HDAC4: variants seen among roughly 807,000 people sequenced by gnomAD.
HDAC4 encodes histone deacetylase A.
In HDAC4, 16 loss-of-function variants were observed where a neutral mutation model predicts 135.1. The ratio of observed to expected loss-of-function variants is 0.12; its 90% confidence interval spans 0.08 to 0.18. The LOEUF (loss-of-function observed/expected upper bound fraction) is 0.18, where lower values mean the gene tolerates loss of function less well. Ranked by LOEUF, HDAC4 falls within the 10% of genes least tolerant of loss-of-function variation. The probability of loss-of-function intolerance (pLI) is 1.00; values close to 1 mark genes in which losing one functional copy is unlikely to be tolerated. For missense variants in HDAC4, 1,143 were observed against 1,511.8 expected, an observed-to-expected ratio of 0.76 and a Z score of 4.05; for synonymous variants, 685 against 653.4, an observed-to-expected ratio of 1.05 and a Z score of -0.74.
chr2:239,053,409 G>A (rs1206979871), intron 26 of HDAC4, 51 bp downstream of exon 26: 4 of 1,598,084 alleles, frequency 2.5e-6, no homozygotes, highest in Non-Finnish European at 2.6e-6. Flanking sequence ...GTGTCAGTGG[G>A]CACAGTGGGG....
At chr2:239,128,125 T>C (rs1403797254) in intron 11 of HDAC4, among the ~76,000 whole-genome samples, 1 of 152,126 alleles carries the variant, frequency 6.6e-6, no homozygotes, top group East Asian at 1.9e-4. Context: ...CCCACAACTT[T>C]CCGGAAAGAC....
intron 12 of HDAC4, among the ~76,000 whole-genome samples, chr2:239,118,013 G>C (rs912593383): frequency 2.6e-5 from 4 of 152,264 alleles, no homozygotes; most frequent in South Asian, 2.1e-4. Flanking sequence ...ACGGGGCACG[G>C]GTTGGTGGGC....
At chr2:239,104,725 C>T (rs955986669) in intron 15 of HDAC4, among the ~76,000 whole-genome samples, 6 of 152,338 alleles carry the variant, frequency 3.9e-5, no homozygotes, top group Admixed American at 2.6e-4. Flanking sequence ...GGTGAAAGAA[C>T]GGCAGGGTAG....
At position 239,052,411 on chromosome 2, in the gene HDAC4, A is replaced by G. The variant is rs1381778864; in HGVS notation, c.*686T>C. The G allele has an allele frequency of 6.6e-6, 1 of 152,436 alleles. No homozygotes were observed. Among genetic ancestry groups the G allele is most frequent in the Admixed American group, 6.5e-5 (1 of 15,278 alleles). 9.4% of individuals were successfully genotyped at this position (152,436 alleles called of 1,614,324 possible). ...CCCAGCCACAAAAATCCACCAGAGCAATAAAAAAAAAGGCACAAACTCGCA... is the reference window on the plus strand; with the variant it reads ...CCCAGCCACAAAAATCCACCAGAGCGATAAAAAAAAAGGCACAAACTCGCA... On this transcript the variant is annotated 3_prime_UTR_variant, in exon 27 of 27. Coordinates refer to ENST00000543185, the MANE Select transcript of HDAC4 (RefSeq NM_001378414.1).
At chr2:239,250,162 AC>A (rs2048703051) in intron 2 of HDAC4, among the ~76,000 whole-genome samples, 1 of 152,228 alleles carries the variant, frequency 6.6e-6, no homozygotes, top group Admixed American at 6.5e-5. Context: ...TAAACAAAGC[AC>A]CCTGCTTTTA....
At chr2:239,053,729 G>A (rs773636828) in intron 25 of HDAC4, 128 bp from the exon 26 acceptor site, 46 of 747,326 alleles carry the variant, frequency 6.2e-5, no homozygotes, top group African/African-American at 1.2e-4. Context: ...AAAAGCACCC[G>A]TCTTTGAAGA....
chr2:239,111,151 G>A (rs866374621), intron 14 of HDAC4, among the ~76,000 whole-genome samples: 8 of 152,234 alleles, frequency 5.3e-5, no homozygotes, highest in Middle Eastern at 3.2e-3. Flanking sequence ...CGCTGTGGAC[G>A]TGGGCGAAGT....
At chr2:239,117,227 G>T (rs567310028) in intron 12 of HDAC4, among the ~76,000 whole-genome samples, 1 of 152,342 alleles carries the variant, frequency 6.6e-6, no homozygotes, top group East Asian at 1.9e-4. Flanking sequence ...GAGACGAGGT[G>T]GGGCTGTGGG....
At chr2:239,359,255 G>A (rs887884832) in intron 1 of HDAC4, among the ~76,000 whole-genome samples, 2 of 152,122 alleles carry the variant, frequency 1.3e-5, no homozygotes, top group Non-Finnish European at 2.9e-5. Context: ...ACGCTGCGTC[G>A]GTACCTCCTT....
At chr2:239,280,479 C>T (rs1016986361) in intron 2 of HDAC4, among the ~76,000 whole-genome samples, 16 of 152,190 alleles carry the variant, frequency 1.1e-4, no homozygotes, top group African/African-American at 3.6e-4. Flanking sequence ...GAGCCAGGGG[C>T]ACAGAAGGCA....
chr2:239,182,373 T>C (rs901357687), intron 4 of HDAC4, among the ~76,000 whole-genome samples: 2 of 152,212 alleles, frequency 1.3e-5, no homozygotes, highest in Non-Finnish European at 2.9e-5. Context: ...TGCAGCCTAA[T>C]GCAGTCTCAC....
Position 239,089,744 on chromosome 2 carries a change from A to T in HDAC4, c.2388+265T>A, listed in dbSNP as rs527763684. The T allele has an allele frequency of 0.13, 34,231 of 269,024 alleles. 2,458 individuals are homozygous for T. The highest frequency in any genetic ancestry group is 0.16 in the African/African-American group (6,122 of 37,664). 16.7% of individuals were successfully genotyped at this position (269,024 alleles called of 1,614,324 possible). A position where few individuals can be genotyped will look rare whatever the true frequency, so the allele number is the denominator to read the frequency against. On this transcript the variant is annotated intron_variant, in intron 18 of 26. Coordinates refer to ENST00000543185, the MANE Select transcript of HDAC4 (RefSeq NM_001378414.1). Reference sequence around the variant, plus strand: ...TCTTTGGAGCTTTTTTTTTTTTTTTAAGAGTATAAATTTTTAAGAGTATAA... The same window carrying T: ...TCTTTGGAGCTTTTTTTTTTTTTTTTAGAGTATAAATTTTTAAGAGTATAA...
Position 239,260,160 on chromosome 2 carries a change from A to G in HDAC4, c.23-23496T>C, listed in dbSNP as rs949330175. On this transcript the variant is annotated intron_variant, in intron 2 of 26. Coordinates refer to ENST00000543185, the MANE Select transcript of HDAC4 (RefSeq NM_001378414.1). ...AGGTTGGGGTGTCCCATCCAACGGA[A>G]GCCCCTCTGCGGACCGCGTGTCCAG... 1.1e-4 allele frequency among the ~76,000 whole-genome samples: 16 copies of G among 152,232 alleles called. 1 individual carries two copies. The highest frequency in any genetic ancestry group is 3.1e-4 in the African/African-American group (13 of 41,468).
At chr2:239,076,176 A>T (rs1285666940) in intron 22 of HDAC4, among the ~76,000 whole-genome samples, 1 of 150,084 alleles carries the variant, frequency 6.7e-6, no homozygotes, top group Non-Finnish European at 1.5e-5. Context: ...TTCCCAGGGG[A>T]ACAGAGCTGG....
At position 239,067,757 on chromosome 2, in the gene HDAC4, C is replaced by A. The variant is rs535742396; in HGVS notation, c.2869+732G>T. Among the ~76,000 whole-genome samples, 401 of 152,288 alleles carry A rather than the reference C, an allele frequency of 2.6e-3. 4 individuals carry two copies. Among genetic ancestry groups the A allele is most frequent in the Non-Finnish European group, 2.7e-3 (181 of 68,012 alleles). ...GAGCCACACCCTCCCCACGCAAGGA[C>A]CTGAGAGACGGGCCCCTCCTTGGCC... On this transcript the variant is annotated intron_variant, in intron 23 of 26. Coordinates refer to ENST00000543185, the MANE Select transcript of HDAC4 (RefSeq NM_001378414.1).
chr2:239,095,132 CG>C, intron 16 of HDAC4, 76 bp from the exon 17 acceptor site: 1 of 1,519,030 alleles, frequency 6.6e-7, no homozygotes, highest in Non-Finnish European at 9.1e-7. Context: ...GGGCGCACTC[CG>C]GGGTCTTCAG....
chr2:239,214,731 C>T (rs959131118), intron 3 of HDAC4, among the ~76,000 whole-genome samples: 2 of 152,256 alleles, frequency 1.3e-5, no homozygotes, highest in African/African-American at 4.8e-5. Context: ...TACAATCCAA[C>T]AATCTTTTAG....
At chr2:239,178,728 A>G (rs2043937074) in intron 4 of HDAC4, among the ~76,000 whole-genome samples, 1 of 152,138 alleles carries the variant, frequency 6.6e-6, no homozygotes, top group Non-Finnish European at 1.5e-5. Flanking sequence ...TTATGGAGGA[A>G]GAGGGGACGG....
intron 3 of HDAC4, among the ~76,000 whole-genome samples, chr2:239,234,086 T>A (rs565029118): frequency 1.1e-4 from 16 of 152,226 alleles, no homozygotes; most frequent in Non-Finnish European, 1.8e-4. Context: ...TATTTTTCAG[T>A]GGGTTGAAAT....
Sources: gnomAD v4.1 joint callset for allele counts (sites outside exome capture counted in the v4.1 genomes callset) on GRCh38, gnomAD v4.1.1 for gene constraint, MANE v1.5 for transcripts, NCBI Gene and HGNC (gene_info 2026-07-23, HGNC 2026-07-21) for gene names.